Variants in PHLDB2 observed in about 807,000 individuals in gnomAD.
PHLDB2 encodes pleckstrin homology-like domain family B member 2.
PHLDB2 carries 71 observed loss-of-function variants against 123.6 expected under a neutral mutation model. The observed-to-expected ratio is 0.57, with a 90% confidence interval of 0.47 to 0.70. The LOEUF (loss-of-function observed/expected upper bound fraction) is 0.70. Ranked by LOEUF, PHLDB2 falls within the 30% of genes least tolerant of loss-of-function variation. The pLI, the probability that PHLDB2 is intolerant of heterozygous loss-of-function variation, is 0.00. For synonymous variants in PHLDB2, 547 were observed against 541.6 expected (o/e 1.01, Z -0.14); for missense variants, 1,446 against 1,519.5 (o/e 0.95, Z 0.80).
At chr3:111,966,527 G>GT (rs1222251851) in intron 13 of PHLDB2, 86 bp from the exon 14 acceptor site, 3 of 618,040 alleles carry the variant, frequency 4.9e-6, no homozygotes, top group Admixed American at 2.8e-5. Context: ...GTGTGTCTGG[G>GT]GTGTGTGTGT....
At chr3:111,934,138 G>A (rs2069313245) in intron 6 of PHLDB2, among the ~76,000 whole-genome samples, 1 of 152,198 alleles carries the variant, frequency 6.6e-6, no homozygotes, top group Non-Finnish European at 1.5e-5. Flanking sequence ...CCTCTCCAGA[G>A]TGTAAAATTC....
In PHLDB2 at chr3:111,895,742, C is replaced by T. The variant is rs557326800; in HGVS notation, c.1335+10330C>T. ...CACATGCCTGTAATCCCAGCTACTT[C>T]GGAGGCTGAAGCAGGAAAATCACTT... On this transcript the variant is annotated intron_variant, in intron 2 of 17. Coordinates refer to ENST00000431670, the MANE Select transcript of PHLDB2 (RefSeq NM_001134438.2). Among the ~76,000 whole-genome samples the T allele has an allele frequency of 5.7e-4, 87 of 152,004 alleles. 2 individuals carry two copies. In the South Asian group the frequency reaches 0.016, roughly 29 times the overall value.
intron 1 of PHLDB2, among the ~76,000 whole-genome samples, chr3:111,836,071 CA>C (rs1206188775): frequency 6.6e-6 from 1 of 152,196 alleles, no homozygotes; most frequent in Non-Finnish European, 1.5e-5. Context: ...ACAGCACCTA[CA>C]GACATGCCAA....
In PHLDB2 at chr3:111,841,559, T is replaced by G. The variant is rs144818177; in HGVS notation, c.-48-4262T>G. Among the ~76,000 whole-genome samples, 981 of 152,276 alleles carry G rather than the reference T, an allele frequency of 6.4e-3. 6 individuals are homozygous for G. The highest frequency in any genetic ancestry group is 7.5e-3 in the Admixed American group (114 of 15,288). Reference sequence around the variant, plus strand: ...GTTGAGATCAACTTTTGTTCTTTTCTTCTCACTCATAACCTCTTCAAATAG... The same window carrying G: ...GTTGAGATCAACTTTTGTTCTTTTCGTCTCACTCATAACCTCTTCAAATAG... On this transcript the variant is annotated intron_variant, in intron 1 of 17. Coordinates refer to the PHLDB2 transcript ENST00000393923.
At chr3:111,970,057 T>A in intron 16 of PHLDB2, 148 bp downstream of exon 16, 1 of 691,872 alleles carries the variant, frequency 1.4e-6, no homozygotes, top group Non-Finnish European at 2.4e-6. Flanking sequence ...CATTATTTTA[T>A]ATTTAGATTA....
At chr3:111,950,572 G>C (rs2070647145) in intron 10 of PHLDB2, among the ~76,000 whole-genome samples, 1 of 151,908 alleles carries the variant, frequency 6.6e-6, no homozygotes, top group Non-Finnish European at 1.5e-5. Flanking sequence ...CTTCCTTTTA[G>C]AACACTCAGA....
intron 1 of PHLDB2, among the ~76,000 whole-genome samples, chr3:111,780,376 G>T (rs1050476659): frequency 2.4e-5 from 1 of 41,352 alleles, no homozygotes; most frequent in African/African-American, 4.9e-5. Context: ...AGAAGAAGAA[G>T]AAGAAGAAGA....
chr3:111,753,779 T>C (rs2059829790), intron 1 of PHLDB2, among the ~76,000 whole-genome samples: 1 of 152,130 alleles, frequency 6.6e-6, no homozygotes, highest in South Asian at 2.1e-4. Flanking sequence ...GTTTATGGTT[T>C]TAGGTCTAAC....
At chr3:111,891,201 A>G (rs776836847) in intron 2 of PHLDB2, among the ~76,000 whole-genome samples, 4 of 152,066 alleles carry the variant, frequency 2.6e-5, no homozygotes, top group African/African-American at 4.8e-5. Context: ...TGGGTCACCA[A>G]CCCCTGGGCC....
At position 111,751,168 on chromosome 3, in the gene PHLDB2, GGTGTGTGT is replaced by G. The variant is rs35962012; in HGVS notation, c.-49+18497_-49+18504del. On this transcript the variant is annotated intron_variant, in intron 1 of 17. Transcript: ENST00000393923. ...GAAAAAAGCAGAAAGGAGACAATGGGGTGTGTGTGTGTGTGTGTGTGTGTGTGTGTGTG... is the reference window on the plus strand; with the variant it reads ...GAAAAAAGCAGAAAGGAGACAATGGGGTGTGTGTGTGTGTGTGTGTGTGTG... 9.3e-3 allele frequency among the ~76,000 whole-genome samples: 1,342 copies of G among 144,108 alleles called. 8 individuals are homozygous for G. Among genetic ancestry groups the G allele is most frequent in the Non-Finnish European group, 0.011 (732 of 65,664 alleles). The allele number at this position is 144,108 out of a possible 152,430, so 94.5% of individuals were successfully genotyped here. A position where few individuals can be genotyped will look rare whatever the true frequency, so the allele number is the denominator to read the frequency against.
At chr3:111,804,721 G>A (rs566185480) in intron 1 of PHLDB2, among the ~76,000 whole-genome samples, 17 of 152,190 alleles carry the variant, frequency 1.1e-4, no homozygotes, top group African/African-American at 3.9e-4. Flanking sequence ...GAAATTTTGG[G>A]GGGAAAACTT....
intron 1 of PHLDB2, among the ~76,000 whole-genome samples, chr3:111,811,708 G>A (rs1052217904): frequency 1.3e-5 from 2 of 152,058 alleles, no homozygotes; most frequent in African/African-American, 4.8e-5. Context: ...CTGTCTTTCA[G>A]ATACTATAAT....
At chr3:111,776,866 A>T (rs765727988) in intron 1 of PHLDB2, among the ~76,000 whole-genome samples, 4 of 152,198 alleles carry the variant, frequency 2.6e-5, no homozygotes, top group Admixed American at 6.6e-5. Flanking sequence ...CTGTCCAAAG[A>T]TGCTTAAGCT....
chr3:111,747,590 C>A (rs2059700670), intron 1 of PHLDB2, among the ~76,000 whole-genome samples: 1 of 152,114 alleles, frequency 6.6e-6, no homozygotes, highest in Non-Finnish European at 1.5e-5. Flanking sequence ...TTGACTTAGA[C>A]TCATATTCAT....
chr3:111,846,947 T>C (rs2108585942), intron 2 of PHLDB2, among the ~76,000 whole-genome samples: 1 of 152,252 alleles, frequency 6.6e-6, no homozygotes, highest in Non-Finnish European at 1.5e-5. Flanking sequence ...GAGAGGGTGA[T>C]TTCTGAAGCA....
chr3:111,916,363 A>G (rs2068178033), intron 3 of PHLDB2: 1 of 152,240 alleles, frequency 6.6e-6, no homozygotes, highest in Non-Finnish European at 1.5e-5. Flanking sequence ...GAAGGTGGAC[A>G]TATATTACCT....
intron 16 of PHLDB2, among the ~76,000 whole-genome samples, chr3:111,971,357 C>G (rs770250761): frequency 2.6e-4 from 39 of 152,044 alleles, no homozygotes; most frequent in Non-Finnish European, 5.0e-4. Context: ...CATGACCTGG[C>G]CAACTGCTTC....
intron 10 of PHLDB2, 93 bp downstream of exon 10, chr3:111,949,168 C>T: frequency 7.1e-7 from 1 of 1,417,312 alleles, no homozygotes; most frequent in Non-Finnish European, 9.7e-7. Context: ...CGAGAACGTG[C>T]ATGACAAATG....
At position 111,919,074 on chromosome 3, in the gene PHLDB2, C is replaced by T; in HGVS notation, c.1722C>T (p.Thr574=). 6.2e-7 allele frequency: 1 copy of T among 1,613,762 alleles called. No homozygotes were observed. The highest frequency in any genetic ancestry group is 8.5e-7 in the Non-Finnish European group (1 of 1,179,758). ...ATTTCTGTGTTGATTAATCGCAGAC[C>T]CCAGAGGGTATAAGTGAAGAACAGA... The part of the protein sequence containing the change: ...ESSYLSILPK[T]PEGISEEQRS... Residue 574 remains threonine (T), a splice_region_variant and synonymous_variant, in exon 4 of 18, where the codon ACC becomes ACT. Transcript: ENST00000431670.
Sources: allele counts gnomAD v4.1 joint callset (sites outside exome capture counted in the v4.1 genomes callset), GRCh38; gene constraint gnomAD v4.1.1; transcripts MANE v1.5; gene names NCBI Gene and HGNC (gene_info 2026-07-23, HGNC 2026-07-21).